The following FER variants were observed in gnomAD, a reference collection of about 807,000 sequenced individuals.
FER encodes the protein FER tyrosine kinase.
In FER, 63 loss-of-function variants were observed where a neutral mutation model predicts 111.0. The ratio of observed to expected loss-of-function variants is 0.57; its 90% confidence interval spans 0.46 to 0.70. The LOEUF (loss-of-function observed/expected upper bound fraction) is 0.70. Ranked by LOEUF, FER falls within the 30% of genes least tolerant of loss-of-function variation. FER has a pLI of 0.00. For missense variants in FER, 914 were observed against 954.0 expected, an observed-to-expected ratio of 0.96 and a Z score of 0.55; for synonymous variants, 327 against 313.9, an observed-to-expected ratio of 1.04 and a Z score of -0.44.
intron 11 of FER, among the ~76,000 whole-genome samples, chr5:108,952,435 C>T (rs1757887873): frequency 7.1e-6 from 1 of 140,144 alleles, no homozygotes; most frequent in Non-Finnish European, 1.6e-5. Context: ...ACCTGATATA[C>T]CCAGGCAGGG....
At chr5:108,871,101 C>T (rs1764553913) in intron 6 of FER, among the ~76,000 whole-genome samples, 1 of 152,048 alleles carries the variant, frequency 6.6e-6, no homozygotes, top group Admixed American at 6.6e-5. Flanking sequence ...GCATTTTGGA[C>T]ATATCAAATA....
chr5:109,001,041 C>G (rs1249600285), intron 13 of FER, among the ~76,000 whole-genome samples: 1 of 152,220 alleles, frequency 6.6e-6, no homozygotes, highest in East Asian at 1.9e-4. Context: ...GAGTCCAGGA[C>G]CAGATGGATT....
At chr5:108,976,675 TTCTTAC>T (rs1296159478) in intron 13 of FER, among the ~76,000 whole-genome samples, 52 of 152,324 alleles carry the variant, frequency 3.4e-4, no homozygotes, top group African/African-American at 1.2e-3. Context: ...CTATACTGTA[TTCTTAC>T]AATAAGGCAG....
chr5:109,090,202 A>G (rs1215928848), intron 16 of FER, among the ~76,000 whole-genome samples: 3 of 152,176 alleles, frequency 2.0e-5, no homozygotes, highest in Non-Finnish European at 4.4e-5. Flanking sequence ...GTAGTACAGC[A>G]GACAGCAAAT....
At chr5:108,878,327 CT>C (rs1345047270) in intron 8 of FER, among the ~76,000 whole-genome samples, 2 of 152,010 alleles carry the variant, frequency 1.3e-5, no homozygotes, top group African/African-American at 2.4e-5. Context: ...TTCCTTTCTT[CT>C]TTTCGTCGAC....
In FER at chr5:109,187,658, TACC is replaced by T; in HGVS notation, c.*86_*88del. 1 of 1,449,100 alleles carries T rather than the reference TACC, an allele frequency of 6.9e-7. No individual in the cohort carries two copies. The highest frequency in any genetic ancestry group is 2.3e-5 in the East Asian group (1 of 43,540). 89.8% of individuals were successfully genotyped at this position (1,449,100 alleles called of 1,614,324 possible). ...ATTGTTCTCATTAACAATGAATTTA[TACC>T]ACATTACCTTCGACAGTCTTCTACC... On this transcript the variant is annotated 3_prime_UTR_variant, in exon 20 of 20. Coordinates refer to ENST00000281092, the MANE Select transcript of FER (RefSeq NM_005246.4).
chr5:109,189,860 C>T lies in FER; in HGVS notation c.*2285C>T, dbSNP rs1759252160. 6.6e-6 allele frequency: 1 copy of T among 152,080 alleles called. No individual in the cohort carries two copies. The highest frequency in any genetic ancestry group is 1.5e-5 in the Non-Finnish European group (1 of 68,010). The allele number at this position is 152,080 out of a possible 1,614,324, so 9.4% of individuals were successfully genotyped here. ...ACACAGCATTGATATTTCACTTATC[C>T]AGGCTGTTAGAATTTGCAGTTCACA... is the stretch of plus-strand genomic sequence containing the variant. On this transcript the variant is annotated 3_prime_UTR_variant, in exon 20 of 20. Transcript: ENST00000281092.
At chr5:108,876,460 G>A (rs1363886000) in intron 8 of FER, among the ~76,000 whole-genome samples, 1 of 152,154 alleles carries the variant, frequency 6.6e-6, no homozygotes, top group Admixed American at 6.6e-5. Flanking sequence ...TAACTCAACA[G>A]CATTTTGAGT....
chr5:109,005,551 A>T (rs1204356335), intron 13 of FER, among the ~76,000 whole-genome samples: 1 of 152,248 alleles, frequency 6.6e-6, no homozygotes, highest in Admixed American at 6.5e-5. Flanking sequence ...ACACATACAA[A>T]CATATGCACA....
chr5:109,027,588 C>G (rs1351006891), intron 13 of FER, among the ~76,000 whole-genome samples: 4 of 152,044 alleles, frequency 2.6e-5, no homozygotes, highest in Non-Finnish European at 5.9e-5. Context: ...TGTCCCTGTG[C>G]CCCATAAAGC....
intron 1 of FER, among the ~76,000 whole-genome samples, chr5:108,757,530 A>G (rs1751252578): frequency 6.6e-6 from 1 of 152,332 alleles, no homozygotes; most frequent in East Asian, 1.9e-4. Flanking sequence ...CTTGACGCAC[A>G]TCAATCCTCC....
chr5:108,791,268 G>C (rs978518048), intron 2 of FER, among the ~76,000 whole-genome samples: 3 of 146,266 alleles, frequency 2.1e-5, no homozygotes, highest in Non-Finnish European at 3.0e-5. Flanking sequence ...CAGCTAGCAA[G>C]GGATGAAGAT....
chr5:109,174,916 C>G (rs114161536), intron 17 of FER, among the ~76,000 whole-genome samples: 6 of 152,146 alleles, frequency 3.9e-5, no homozygotes, highest in Admixed American at 2.0e-4. Flanking sequence ...TGCTTTCCTC[C>G]GCTTACGGGC....
chr5:108,949,821 TG>T (rs1757480992), intron 11 of FER, among the ~76,000 whole-genome samples: 1 of 151,942 alleles, frequency 6.6e-6, no homozygotes, highest in Non-Finnish European at 1.5e-5. Flanking sequence ...ACATTTTATA[TG>T]TAAAATATAT....
intron 15 of FER, among the ~76,000 whole-genome samples, chr5:109,046,346 AAT>A (rs145546640): frequency 2.1e-4 from 32 of 149,592 alleles, no homozygotes; most frequent in Admixed American, 6.7e-4. Flanking sequence ...TGTGTTAAAA[AAT>A]ATATATATAT....
intron 13 of FER, among the ~76,000 whole-genome samples, chr5:109,008,796 C>A (rs1199399406): frequency 6.6e-6 from 1 of 151,984 alleles, no homozygotes; most frequent in Non-Finnish European, 1.5e-5. Context: ...CATGGAGAAA[C>A]CCTGTCTCTA....
intron 5 of FER, among the ~76,000 whole-genome samples, chr5:108,848,975 A>T (rs934846448): frequency 3.9e-5 from 6 of 152,032 alleles, no homozygotes; most frequent in African/African-American, 1.4e-4. Flanking sequence ...TATGTATTTA[A>T]AGATGTTTCT....
At chr5:109,049,711 T>A (rs1262210415) in intron 16 of FER, among the ~76,000 whole-genome samples, 2 of 152,178 alleles carry the variant, frequency 1.3e-5, no homozygotes, top group Non-Finnish European at 2.9e-5. Context: ...AAATTAGTAA[T>A]TTTCATTGTA....
In FER at chr5:108,869,218, C is replaced by A. The variant is rs111851216; in HGVS notation, c.665+1268C>A. ...TTTCATGTGCATTTGCTTACTTGTTCCTTACAGTATCCTGTAGAGTTAGGA... is the reference window on the plus strand; with the variant it reads ...TTTCATGTGCATTTGCTTACTTGTTACTTACAGTATCCTGTAGAGTTAGGA... On this transcript the variant is annotated intron_variant, in intron 6 of 19. Coordinates refer to ENST00000281092, the MANE Select transcript of FER (RefSeq NM_005246.4). 2.6e-3 allele frequency among the ~76,000 whole-genome samples: 394 copies of A among 152,134 alleles called. 1 individual carries two copies. Among genetic ancestry groups the A allele is most frequent in the African/African-American group, 9.0e-3 (374 of 41,522 alleles).
Sources: gnomAD v4.1 joint callset for allele counts (sites outside exome capture counted in the v4.1 genomes callset) on GRCh38, gnomAD v4.1.1 for gene constraint, MANE v1.5 for transcripts, NCBI Gene and HGNC (gene_info 2026-07-23, HGNC 2026-07-21) for gene names.